Variants in ADCY2 observed in about 807,000 individuals in gnomAD.
The protein encoded by ADCY2 is adenylate cyclase type 2.
ADCY2 carries 31 observed loss-of-function variants against 125.2 expected under a neutral mutation model. The ratio of observed to expected loss-of-function variants is 0.25; its 90% CI spans 0.19 to 0.33. ADCY2 has a LOEUF of 0.33. ADCY2 is among the 10% of genes least tolerant of loss of function. The pLI is 1.00. For synonymous variants in ADCY2, 512 were observed against 548.4 expected (o/e 0.93, Z 0.93); for missense variants, 904 against 1,418.2 (o/e 0.64, Z 5.82).
intron 4 of ADCY2, among the ~76,000 whole-genome samples, chr5:7,634,209 T>C (rs1207246241): frequency 6.6e-6 from 1 of 152,208 alleles, no homozygotes; most frequent in Non-Finnish European, 1.5e-5. Context: ...TATATTACCA[T>C]GAGCACAGTT....
chr5:7,798,454 T>A (rs1481882096), intron 20 of ADCY2: 2 of 151,554 alleles, frequency 1.3e-5, no homozygotes, highest in African/African-American at 4.9e-5. Flanking sequence ...TTAGGAAGAG[T>A]GGAGGAGTGG....
In ADCY2 at chr5:7,773,217, G is replaced by C. The variant is rs570352096; in HGVS notation, c.2384+116G>C. 9.5e-5 allele frequency: 111 copies of C among 1,163,884 alleles called. No homozygotes were observed. In the East Asian group the frequency reaches 2.6e-3, roughly 27 times the overall value. 72.1% of individuals were successfully genotyped at this position (1,163,884 alleles called of 1,614,324 possible). ...GTCATTGTCATTGATAAATCATTCT[G>C]AGAGAATTTCTTTGAAGTGATGCCT... On this transcript the variant is annotated intron_variant, in intron 18 of 24. Coordinates refer to ENST00000338316, the MANE Select transcript of ADCY2 (RefSeq NM_020546.3).
chr5:7,492,946 C>G (rs538024299), intron 2 of ADCY2, among the ~76,000 whole-genome samples: 1 of 152,130 alleles, frequency 6.6e-6, no homozygotes, highest in Non-Finnish European at 1.5e-5. Context: ...TAGTGAGGAG[C>G]TGTGAGGGCC....
chr5:7,786,649 A>G (rs545414855), intron 19 of ADCY2, among the ~76,000 whole-genome samples: 3 of 152,328 alleles, frequency 2.0e-5, no homozygotes, highest in Admixed American at 2.0e-4. Context: ...CAGATGTGTT[A>G]ACCAACTCAG....
At chr5:7,717,066 G>A in intron 11 of ADCY2, 91 bp from the exon 12 acceptor site, 1 of 756,870 alleles carries the variant, frequency 1.3e-6, no homozygotes, top group Non-Finnish European at 2.2e-6. Context: ...TATCTCATAA[G>A]GATGTAAAAT....
chr5:7,528,620 T>C (rs1315388042), intron 3 of ADCY2, among the ~76,000 whole-genome samples: 1 of 152,210 alleles, frequency 6.6e-6, no homozygotes, highest in African/African-American at 2.4e-5. Context: ...TCTTCTTGAT[T>C]CCATCATCTG....
At chr5:7,685,968 C>T (rs943395717) in intron 4 of ADCY2, among the ~76,000 whole-genome samples, 6 of 152,118 alleles carry the variant, frequency 3.9e-5, no homozygotes, top group African/African-American at 1.2e-4. Context: ...TTACAACATC[C>T]TTTCTGTTTA....
intron 2 of ADCY2, among the ~76,000 whole-genome samples, chr5:7,449,365 C>A (rs1222613297): frequency 1.3e-5 from 2 of 152,146 alleles, no homozygotes; most frequent in Non-Finnish European, 2.9e-5. Context: ...AAAATGAGTA[C>A]TTCAAATGTG....
At chr5:7,550,257 G>A (rs73739841) in intron 3 of ADCY2, among the ~76,000 whole-genome samples, 9,300 of 152,076 alleles carry the variant, frequency 0.061, 935 homozygotes, top group African/African-American at 0.21. Context: ...TTTAAAGAAC[G>A]AAACACATCT....
intron 14 of ADCY2, among the ~76,000 whole-genome samples, chr5:7,731,452 C>T (rs1034229536): frequency 1.1e-4 from 16 of 151,902 alleles, no homozygotes; most frequent in African/African-American, 2.4e-5. Flanking sequence ...GACAGGGTTT[C>T]ACCATATTTG....
intron 1 of ADCY2, among the ~76,000 whole-genome samples, chr5:7,403,355 G>A (rs1739341052): frequency 6.6e-6 from 1 of 152,136 alleles, no homozygotes. Flanking sequence ...TGTTAGCATA[G>A]TTCAGACATA....
At chr5:7,712,977 G>A in intron 11 of ADCY2, 78 bp downstream of exon 11, 2 of 1,100,650 alleles carry the variant, frequency 1.8e-6, no homozygotes, top group Non-Finnish European at 2.7e-6. Context: ...ATCAATTATG[G>A]TAATTTCAAG....
intron 4 of ADCY2, among the ~76,000 whole-genome samples, chr5:7,641,996 G>A (rs575596554): frequency 4.6e-5 from 7 of 152,144 alleles, no homozygotes; most frequent in Non-Finnish European, 7.3e-5. Flanking sequence ...ATGAGTACAT[G>A]TGTCTTTTTG....
intron 22 of ADCY2, among the ~76,000 whole-genome samples, chr5:7,807,453 G>A (rs138717721): frequency 5.6e-4 from 85 of 152,160 alleles, no homozygotes; most frequent in African/African-American, 1.9e-3. Context: ...CTGAGCATTC[G>A]TCCTAGGTGA....
intron 4 of ADCY2, among the ~76,000 whole-genome samples, chr5:7,627,543 T>TC (rs1467505708): frequency 1.3e-5 from 2 of 152,156 alleles, no homozygotes; most frequent in African/African-American, 4.8e-5. Context: ...AACACTGTGC[T>TC]CCCCCTCCCT....
chr5:7,755,756 C>T (rs999151273), intron 15 of ADCY2, among the ~76,000 whole-genome samples: 11 of 152,198 alleles, frequency 7.2e-5, no homozygotes, highest in Admixed American at 3.3e-4. Context: ...CAACTCCTCT[C>T]TCCTGTGTTT....
At chr5:7,645,083 A>G (rs555896634) in intron 4 of ADCY2, among the ~76,000 whole-genome samples, 2 of 152,164 alleles carry the variant, frequency 1.3e-5, no homozygotes, top group African/African-American at 2.4e-5. Flanking sequence ...TGTCCTTAGG[A>G]AAGTTACTTC....
chr5:7,700,527 G>A (rs774462272), intron 7 of ADCY2, among the ~76,000 whole-genome samples: 3 of 148,070 alleles, frequency 2.0e-5, no homozygotes, highest in East Asian at 2.0e-4. Context: ...TCTGAACAGC[G>A]TTGGAATTGT....
chr5:7,742,006 G>A (rs1003800882), intron 14 of ADCY2, among the ~76,000 whole-genome samples: 3 of 150,380 alleles, frequency 2.0e-5, no homozygotes, highest in South Asian at 2.1e-4. Context: ...AGAAGATATC[G>A]TTCATTCAGT....
Sources: allele counts gnomAD v4.1 joint callset (sites outside exome capture counted in the v4.1 genomes callset), GRCh38; gene constraint gnomAD v4.1.1; transcripts MANE v1.5; gene names NCBI Gene and HGNC (gene_info 2026-07-23, HGNC 2026-07-21).